SLC35F1: variants seen among roughly 807,000 people sequenced by gnomAD.
SLC35F1 encodes the protein chromosome 6 open reading frame 169.
In SLC35F1, 14 loss-of-function variants were observed where a neutral mutation model predicts 48.7. The observed-to-expected ratio is 0.29, with a 90% CI of 0.19 to 0.45. SLC35F1 has a LOEUF of 0.45. Ranked by LOEUF, SLC35F1 falls within the 20% of genes least tolerant of loss-of-function variation. The pLI, the probability that SLC35F1 is intolerant of heterozygous loss-of-function variation, is 1.00. For synonymous variants in SLC35F1, 190 were observed against 202.2 expected (o/e 0.94, Z 0.51); for missense variants, 404 against 500.0 (o/e 0.81, Z 1.83).
chr6:118,208,209 CAG>C (rs573060234), intron 2 of SLC35F1, among the ~76,000 whole-genome samples: 24 of 152,328 alleles, frequency 1.6e-4, no homozygotes, highest in African/African-American at 5.5e-4. Flanking sequence ...CTTGTGCACA[CAG>C]GGGCTGGAGC....
Position 118,275,438 on chromosome 6 carries a change from GT to G in SLC35F1, c.638-18del. ...AGTTTTAATGATGCTCCCTCTGTTT[GT>G]TTGTTTGGTTGGTTCCTAGGGGAAA... On this transcript the variant is annotated intron_variant, in intron 4 of 7. Coordinates refer to ENST00000360388, the MANE Select transcript of SLC35F1 (RefSeq NM_001029858.4). 1 of 1,597,632 alleles carries G rather than the reference GT, an allele frequency of 6.3e-7. No individual in the cohort carries two copies. The highest frequency in any genetic ancestry group is 8.5e-7 in the Non-Finnish European group (1 of 1,172,676).
chr6:117,931,599 T>TTTTTGTTTTG (rs535541985), intron 1 of SLC35F1, among the ~76,000 whole-genome samples: 27 of 152,308 alleles, frequency 1.8e-4, no homozygotes, highest in Non-Finnish European at 3.5e-4. Context: ...TCACAGGGTT[T>TTTTTGTTTTG]TTTTGTTTTG....
At chr6:118,058,109 T>C (rs534973780) in intron 1 of SLC35F1, among the ~76,000 whole-genome samples, 1 of 152,304 alleles carries the variant, frequency 6.6e-6, no homozygotes, top group South Asian at 2.1e-4. Flanking sequence ...CTATTTAATC[T>C]ATTTTTATGT....
At chr6:117,908,432 G>C (rs1018983511) in intron 1 of SLC35F1, among the ~76,000 whole-genome samples, 6 of 152,350 alleles carry the variant, frequency 3.9e-5, no homozygotes, top group African/African-American at 1.4e-4. Flanking sequence ...CACTTCTCCA[G>C]CCTGACGCTC....
chr6:118,218,446 C>T (rs566513290), intron 2 of SLC35F1, among the ~76,000 whole-genome samples: 2 of 152,160 alleles, frequency 1.3e-5, no homozygotes, highest in East Asian at 3.9e-4. Flanking sequence ...CAAGTTTGGT[C>T]TTTGAATTAG....
chr6:118,085,487 CTTTTTTTTTTTTTTTT>C (rs59548308), intron 1 of SLC35F1, among the ~76,000 whole-genome samples: 9 of 56,938 alleles, frequency 1.6e-4, no homozygotes, highest in African/African-American at 6.6e-4. Context: ...TCTTTCTTTC[CTTTTTTTTTTTTTTTT>C]TTTTTTTTTT....
At chr6:118,267,271 C>A (rs1016974113) in intron 4 of SLC35F1, 117 bp downstream of exon 4, 3 of 1,197,418 alleles carry the variant, frequency 2.5e-6, no homozygotes, top group Non-Finnish European at 3.6e-6. Context: ...TTCCCACTAT[C>A]TGTGTCCTGT....
chr6:118,114,404 T>A (rs1428886095), intron 1 of SLC35F1, among the ~76,000 whole-genome samples: 3 of 152,190 alleles, frequency 2.0e-5, no homozygotes, highest in African/African-American at 7.2e-5. Context: ...TTCTTTAGCT[T>A]CACATCAAAG....
chr6:118,108,337 T>C (rs538976405), intron 1 of SLC35F1, among the ~76,000 whole-genome samples: 2 of 152,298 alleles, frequency 1.3e-5, no homozygotes, highest in South Asian at 2.1e-4. Context: ...ACTCATCATA[T>C]TGATGCCAGT....
chr6:118,115,334 T>C (rs1486304885), intron 1 of SLC35F1, among the ~76,000 whole-genome samples: 1 of 152,086 alleles, frequency 6.6e-6, no homozygotes, highest in Non-Finnish European at 1.5e-5. Flanking sequence ...CACATGTTGG[T>C]TGACACCTGG....
At chr6:118,178,673 G>T (rs1774528015) in intron 2 of SLC35F1, among the ~76,000 whole-genome samples, 2 of 151,890 alleles carry the variant, frequency 1.3e-5, no homozygotes, top group Admixed American at 1.3e-4. Context: ...TCAACTACAG[G>T]AGACTGACAA....
chr6:118,195,910 G>A (rs1222041270), intron 2 of SLC35F1, among the ~76,000 whole-genome samples: 2 of 152,156 alleles, frequency 1.3e-5, no homozygotes, highest in Admixed American at 1.3e-4. Context: ...TCCTGGGGTC[G>A]TTAAAGCTCT....
chr6:118,270,391 AC>A (rs910728542), intron 4 of SLC35F1, among the ~76,000 whole-genome samples: 3 of 152,198 alleles, frequency 2.0e-5, no homozygotes, highest in African/African-American at 7.2e-5. Flanking sequence ...TTTTGATGAA[AC>A]TTGACCAGCA....
At chr6:118,278,703 G>A (rs1775947066) in intron 6 of SLC35F1, among the ~76,000 whole-genome samples, 1 of 152,194 alleles carries the variant, frequency 6.6e-6, no homozygotes, top group African/African-American at 2.4e-5. Flanking sequence ...GAGGGCAACA[G>A]GGAAAGGAAA....
At chr6:118,130,964 C>T (rs1474240239) in intron 1 of SLC35F1, among the ~76,000 whole-genome samples, 1 of 152,080 alleles carries the variant, frequency 6.6e-6, no homozygotes, top group Non-Finnish European at 1.5e-5. Flanking sequence ...ACTTTACAAT[C>T]TTCTAATTAA....
chr6:118,121,500 T>C (rs1171425448), intron 1 of SLC35F1, among the ~76,000 whole-genome samples: 1 of 152,164 alleles, frequency 6.6e-6, no homozygotes, highest in African/African-American at 2.4e-5. Flanking sequence ...GTGAACCCAG[T>C]GCTATCTGGA....
At chr6:118,091,077 G>A (rs1773066747) in intron 1 of SLC35F1, among the ~76,000 whole-genome samples, 1 of 152,222 alleles carries the variant, frequency 6.6e-6, no homozygotes, top group Non-Finnish European at 1.5e-5. Flanking sequence ...TTTTTAAGCA[G>A]TTGGGTGAAT....
intron 2 of SLC35F1, among the ~76,000 whole-genome samples, chr6:118,163,785 T>G (rs1774275837): frequency 6.6e-6 from 1 of 152,198 alleles, no homozygotes; most frequent in African/African-American, 2.4e-5. Context: ...GTGTAAAAAT[T>G]CAGAGGAATA....
At chr6:118,126,141 A>G (rs985609641) in intron 1 of SLC35F1, among the ~76,000 whole-genome samples, 3 of 152,180 alleles carry the variant, frequency 2.0e-5, no homozygotes, top group Admixed American at 1.3e-4. Flanking sequence ...TCCCCTCACT[A>G]ACAAGAGACT....
Sources: allele counts gnomAD v4.1 joint callset (sites outside exome capture counted in the v4.1 genomes callset), GRCh38; gene constraint gnomAD v4.1.1; transcripts MANE v1.5; gene names NCBI Gene and HGNC (gene_info 2026-07-23, HGNC 2026-07-21).